Variants in SLC22A23 observed in about 807,000 individuals in gnomAD.
SLC22A23 encodes solute carrier family 22 member 23.
A neutral mutation model predicts 61.0 loss-of-function variants in SLC22A23; 26 were observed. The ratio of observed to expected loss-of-function variants is 0.43; its 90% CI spans 0.31 to 0.59. The LOEUF (loss-of-function observed/expected upper bound fraction) is 0.59. Among genes scored for constraint, SLC22A23 ranks in the 20% least tolerant of loss-of-function variants. The pLI is 0.11. For missense variants in SLC22A23, 796 were observed against 934.7 expected (o/e 0.85, Z 1.94); for synonymous variants, 430 against 413.9 (o/e 1.04, Z -0.47).
At chr6:3,323,192 T>A (rs1471235214) in intron 4 of SLC22A23, 2 of 454,172 alleles carry the variant, frequency 4.4e-6, no homozygotes, top group Admixed American at 2.4e-5. Context: ...TAGACTGATA[T>A]TGAGCAGGGG....
intron 1 of SLC22A23, among the ~76,000 whole-genome samples, chr6:3,448,613 C>A (rs1028365094): frequency 6.6e-6 from 1 of 152,176 alleles, no homozygotes; most frequent in Non-Finnish European, 1.5e-5. Context: ...CCTGCCTCAG[C>A]CTCCCGAGTA....
chr6:3,269,628 G>GAA lies in SLC22A23; in HGVS notation c.*3425_*3426dup, dbSNP rs1171717595. ...CAGAGAATTCCCACCCACACGTACA[G>GAA]AAACACAGTTTTTATATTACAACCT... On this transcript the variant is annotated 3_prime_UTR_variant, in exon 10 of 10. Coordinates refer to ENST00000406686, the MANE Select transcript of SLC22A23 (RefSeq NM_015482.2). The GAA allele has an allele frequency of 6.7e-6, 1 of 150,314 alleles. No homozygotes were observed. Among genetic ancestry groups the GAA allele is most frequent in the Non-Finnish European group, 1.5e-5 (1 of 67,490 alleles). The allele number at this position is 150,314 out of a possible 1,614,324, so 9.3% of individuals were successfully genotyped here. A position where few individuals can be genotyped will look rare whatever the true frequency, so the allele number is the denominator to read the frequency against.
chr6:3,445,974 G>A (rs910889856), intron 1 of SLC22A23, among the ~76,000 whole-genome samples: 1 of 152,164 alleles, frequency 6.6e-6, no homozygotes, highest in African/African-American at 2.4e-5. Flanking sequence ...GGCCTGTGGT[G>A]TTAAAAGCAG....
intron 3 of SLC22A23, among the ~76,000 whole-genome samples, chr6:3,348,971 T>A (rs953937977): frequency 6.6e-6 from 1 of 152,196 alleles, no homozygotes; most frequent in Non-Finnish European, 1.5e-5. Context: ...CTGGAAATAG[T>A]CATCTTTCAT....
chr6:3,296,754 ACT>A (rs1461404370), intron 5 of SLC22A23, among the ~76,000 whole-genome samples: 2 of 151,758 alleles, frequency 1.3e-5, no homozygotes, highest in African/African-American at 2.4e-5. Flanking sequence ...GGGTGACCTG[ACT>A]CTCACGGCCC....
chr6:3,270,586 G>A lies in SLC22A23; in HGVS notation c.*2469C>T, dbSNP rs892315607. On this transcript the variant is annotated 3_prime_UTR_variant, in exon 10 of 10. Coordinates refer to ENST00000406686, the MANE Select transcript of SLC22A23 (RefSeq NM_015482.2). Reference sequence around the variant, plus strand: ...TGAGAGCCATTACCTGCCGACCGTCGGCAAGTCAGCCTCACACCCACTGGA... The same window carrying A: ...TGAGAGCCATTACCTGCCGACCGTCAGCAAGTCAGCCTCACACCCACTGGA... The A allele has an allele frequency of 2.0e-5, 3 of 151,122 alleles. No homozygotes were observed. The highest frequency in any genetic ancestry group is 1.3e-4 in the Admixed American group (2 of 15,162). The allele number at this position is 151,122 out of a possible 1,614,324, so 9.4% of individuals were successfully genotyped here.
At chr6:3,375,684 T>C (rs892150600) in intron 3 of SLC22A23, among the ~76,000 whole-genome samples, 2 of 152,224 alleles carry the variant, frequency 1.3e-5, no homozygotes, top group African/African-American at 4.8e-5. Context: ...ATAAGGTGGG[T>C]ATTAAATATG....
At chr6:3,425,214 T>A (rs951696969) in intron 1 of SLC22A23, among the ~76,000 whole-genome samples, 5 of 152,018 alleles carry the variant, frequency 3.3e-5, no homozygotes, top group African/African-American at 4.8e-5. Context: ...GGGAAAGATA[T>A]TTCTAGTTTT....
At chr6:3,374,438 A>G (rs1269759127) in intron 3 of SLC22A23, among the ~76,000 whole-genome samples, 1 of 151,588 alleles carries the variant, frequency 6.6e-6, no homozygotes, top group Non-Finnish European at 1.5e-5. Context: ...GTCAGAAAGG[A>G]AAACTAGCAA....
At chr6:3,405,239 C>A (rs757537569) in intron 3 of SLC22A23, among the ~76,000 whole-genome samples, 3 of 151,036 alleles carry the variant, frequency 2.0e-5, no homozygotes, top group African/African-American at 7.3e-5. Flanking sequence ...CCAGCCCAGG[C>A]GACAGTGCGA....
rs1758373688 is a variant in SLC22A23 at position 3,269,986 on chromosome 6, T to G, written c.*3069A>C. Reference sequence around the variant, plus strand: ...CAGATGCAGGTGATCTTACTCTCAGTAAACAAAAACATGTAACCTTTTTCC... The same window carrying G: ...CAGATGCAGGTGATCTTACTCTCAGGAAACAAAAACATGTAACCTTTTTCC... On this transcript the variant is annotated 3_prime_UTR_variant, in exon 10 of 10. Coordinates refer to ENST00000406686, the MANE Select transcript of SLC22A23 (RefSeq NM_015482.2). The G allele has an allele frequency of 6.5e-6, 1 of 152,804 alleles. No homozygotes were observed. Among genetic ancestry groups the G allele is most frequent in the South Asian group, 2.1e-4 (1 of 4,836 alleles). The allele number at this position is 152,804 out of a possible 1,614,324, so 9.5% of individuals were successfully genotyped here.
chr6:3,275,595 G>T (rs1451556339), intron 9 of SLC22A23, among the ~76,000 whole-genome samples: 2 of 152,144 alleles, frequency 1.3e-5, no homozygotes, highest in African/African-American at 2.4e-5. Context: ...AATATATAAA[G>T]AACTTTTTTT....
chr6:3,275,651 C>T (rs926750150), intron 9 of SLC22A23, among the ~76,000 whole-genome samples: 14 of 152,160 alleles, frequency 9.2e-5, no homozygotes, highest in Admixed American at 2.6e-4. Context: ...GGCATGATCT[C>T]GGCTCACTGC....
intron 3 of SLC22A23, among the ~76,000 whole-genome samples, chr6:3,406,198 A>C (rs1199616434): frequency 6.6e-6 from 1 of 152,192 alleles, no homozygotes; most frequent in South Asian, 2.1e-4. Context: ...AGACACTTTT[A>C]AACAGTATTT....
rs1762205215 is a variant in SLC22A23 at position 3,309,260 on chromosome 6, C to G, written c.1083-11042G>C. On this transcript the variant is annotated intron_variant, in intron 4 of 9. Coordinates refer to ENST00000406686, the MANE Select transcript of SLC22A23 (RefSeq NM_015482.2). The surrounding 1 kb of genome is among the most constrained non-coding windows in gnomAD (Gnocchi z 4.7). ...GCAGTGGACCAAGGTCGTGCCGCTGCACTCTAGCCTGGGCAACAGAGTGAG... is the reference window on the plus strand; with the variant it reads ...GCAGTGGACCAAGGTCGTGCCGCTGGACTCTAGCCTGGGCAACAGAGTGAG... Among the ~76,000 whole-genome samples, 1 of 152,162 alleles carries G rather than the reference C, an allele frequency of 6.6e-6. No homozygotes were observed. Among genetic ancestry groups the G allele is most frequent in the South Asian group, 2.1e-4 (1 of 4,830 alleles).
chr6:3,450,469 G>A (rs1772110947), intron 1 of SLC22A23, among the ~76,000 whole-genome samples: 1 of 152,086 alleles, frequency 6.6e-6, no homozygotes, highest in Non-Finnish European at 1.5e-5. Context: ...ACCATGCCCG[G>A]CTAATTTTTG....
intron 3 of SLC22A23, among the ~76,000 whole-genome samples, chr6:3,402,267 G>C (rs1459246303): frequency 1.3e-5 from 2 of 152,198 alleles, no homozygotes; most frequent in Admixed American, 6.5e-5. Flanking sequence ...ACTGCAGCCT[G>C]AGACATTTCT....
At chr6:3,341,754 C>T (rs1231033911) in intron 3 of SLC22A23, among the ~76,000 whole-genome samples, 4 of 150,866 alleles carry the variant, frequency 2.7e-5, no homozygotes, top group Non-Finnish European at 5.9e-5. Context: ...TCTGTTGTGA[C>T]CGAAGCTTCC....
At chr6:3,452,462 G>A (rs1053921453) in intron 1 of SLC22A23, among the ~76,000 whole-genome samples, 1 of 151,918 alleles carries the variant, frequency 6.6e-6, no homozygotes, top group Admixed American at 6.6e-5. Flanking sequence ...AGCCAGGTGT[G>A]GTGGTGCATG....
Sources: allele counts gnomAD v4.1 joint callset (sites outside exome capture counted in the v4.1 genomes callset), GRCh38; gene constraint gnomAD v4.1.1; non-coding constraint Gnocchi (gnomAD v3.1); transcripts MANE v1.5; gene names NCBI Gene and HGNC (gene_info 2026-07-23, HGNC 2026-07-21).